The following RBPJ variants were observed in gnomAD, a reference collection of about 807,000 sequenced individuals.
RBPJ encodes recombining binding protein suppressor of hairless.
A neutral mutation model predicts 67.8 loss-of-function variants in RBPJ; 9 were observed. The ratio of observed to expected loss-of-function variants is 0.13; its 90% CI spans 0.08 to 0.23. RBPJ has a LOEUF of 0.23. Ranked by LOEUF, RBPJ falls within the 10% of genes least tolerant of loss-of-function variation. The probability of loss-of-function intolerance (pLI) is 1.00; values close to 1 mark genes in which losing one functional copy is unlikely to be tolerated. For missense variants in RBPJ, 305 were observed against 595.6 expected (o/e 0.51, Z 5.08); for synonymous variants, 198 against 203.3 (o/e 0.97, Z 0.22).
intron 1 of RBPJ, among the ~76,000 whole-genome samples, chr4:26,341,588 T>A (rs1725532243): frequency 6.6e-6 from 1 of 151,284 alleles, no homozygotes; most frequent in African/African-American, 2.4e-5. Context: ...CACTCCACCC[T>A]GGGTGACAGA....
At chr4:26,343,221 C>T (rs1725733202) in intron 1 of RBPJ, 1 of 152,142 alleles carries the variant, frequency 6.6e-6, no homozygotes, top group Non-Finnish European at 1.5e-5. Context: ...AGTTTCTGTT[C>T]TGGTAATCTT....
upstream of RBPJ, chr4:26,320,687 C>T (rs561455099): frequency 8.0e-5 from 121 of 1,505,678 alleles, no homozygotes; most frequent in Non-Finnish European, 9.9e-5. Context: ...TAATCCCCTC[C>T]GGTTTTCCTC....
the RBPJ span, among the ~76,000 whole-genome samples, chr4:26,122,769 G>A: frequency 1.3e-5 from 2 of 152,166 alleles, no homozygotes; most frequent in East Asian, 3.9e-4. Flanking sequence ...TCCAGAGAGG[G>A]AACATTGTAG....
chr4:26,327,824 G>A (rs996178887), intron 1 of RBPJ, among the ~76,000 whole-genome samples: 4 of 151,864 alleles, frequency 2.6e-5, no homozygotes. Context: ...CAGCCTGGGT[G>A]ACAGAGAAAG....
At chr4:26,417,479 A>G (rs1734707624) in intron 4 of RBPJ, among the ~76,000 whole-genome samples, 1 of 152,220 alleles carries the variant, frequency 6.6e-6, no homozygotes, top group East Asian at 1.9e-4. Flanking sequence ...GAGCTTGAGC[A>G]TTTAACTAGT....
At chr4:26,370,423 T>G (rs1375172869) in intron 1 of RBPJ, among the ~76,000 whole-genome samples, 2 of 152,180 alleles carry the variant, frequency 1.3e-5, no homozygotes, top group Non-Finnish European at 2.9e-5. Flanking sequence ...AGTGGTATAT[T>G]ATTGTTACTA....
At chr4:26,244,541 ATGTAAATGGTTTCTTAT>A (rs1301001248) in intron 1 of RBPJ, among the ~76,000 whole-genome samples, 1 of 151,592 alleles carries the variant, frequency 6.6e-6, no homozygotes, top group Non-Finnish European at 1.5e-5. Flanking sequence ...ATACTGCTAA[ATGTAAATGGTTTCTTAT>A]TGTTATTTTA....
chr4:26,201,508 ATCCTCATTT>A (rs1179010466), intron 1 of RBPJ, among the ~76,000 whole-genome samples: 1 of 151,870 alleles, frequency 6.6e-6, no homozygotes, highest in Non-Finnish European at 1.5e-5. Flanking sequence ...GGTGGACTTT[ATCCTCATTT>A]TCCATTTTTC....
chr4:26,287,226 T>C (rs1367518326), intron 1 of RBPJ, among the ~76,000 whole-genome samples: 1 of 151,990 alleles, frequency 6.6e-6, no homozygotes, highest in Admixed American at 6.6e-5. Context: ...AGGAGTATTT[T>C]AGGTCATTGG....
chr4:26,414,193 A>T (rs1734324050), intron 3 of RBPJ, among the ~76,000 whole-genome samples: 1 of 151,548 alleles, frequency 6.6e-6, no homozygotes, highest in Non-Finnish European at 1.5e-5. Flanking sequence ...TTTTTTTAAG[A>T]CAGAGTCTCA....
intron 1 of RBPJ, among the ~76,000 whole-genome samples, chr4:26,235,835 G>A (rs1297153065): frequency 6.6e-6 from 1 of 152,250 alleles, no homozygotes; most frequent in Admixed American, 6.5e-5. Flanking sequence ...TTTAGGGTGA[G>A]AATGACAGAT....
At chr4:26,194,337 T>C (rs1717675746) in intron 1 of RBPJ, among the ~76,000 whole-genome samples, 1 of 152,194 alleles carries the variant, frequency 6.6e-6, no homozygotes, top group African/African-American at 2.4e-5. Flanking sequence ...CAGCCAGATA[T>C]AAACATGCAC....
chr4:26,365,727 A>G lies in RBPJ; in HGVS notation c.21-20626A>G, dbSNP rs539865933. On this transcript the variant is annotated intron_variant, in intron 1 of 10. Coordinates refer to ENST00000355476, the MANE Select transcript of RBPJ (RefSeq NM_015874.6). ...AGAGGAAGTGACCAGCATAAGTTTC[A>G]GTATGCTTTCTAATGGTATGCCATA... Among the ~76,000 whole-genome samples, 5 of 152,346 alleles carry G rather than the reference A, an allele frequency of 3.3e-5. No individual in the cohort carries two copies. The East Asian group carries it at 9.6e-4, about 29-fold the overall frequency.
At chr4:26,210,744 C>CTTCT (rs1388745623) in intron 1 of RBPJ, among the ~76,000 whole-genome samples, 15 of 47,916 alleles carry the variant, frequency 3.1e-4, no homozygotes, top group African/African-American at 8.4e-4. Context: ...TACTTCTTTC[C>CTTCT]TTCTTTCCTT....
intron 1 of RBPJ, among the ~76,000 whole-genome samples, chr4:26,221,666 C>A (rs1718913897): frequency 1.3e-5 from 2 of 152,124 alleles, no homozygotes; most frequent in African/African-American, 4.8e-5. Flanking sequence ...ACAATACTTA[C>A]AAAGAGTAGA....
intron 1 of RBPJ, among the ~76,000 whole-genome samples, chr4:26,244,449 A>ATATGTATGCGTATGTGTG (rs1719850754): frequency 1.3e-5 from 1 of 79,888 alleles, no homozygotes; most frequent in Non-Finnish European, 3.0e-5. Flanking sequence ...ATGTGTGTAT[A>ATATGTATGCGTATGTGTG]CATATATGTG....
upstream of RBPJ, among the ~76,000 whole-genome samples, chr4:26,162,202 G>A (rs75608570): frequency 0.017 from 2,633 of 152,308 alleles, 46 homozygotes; most frequent in South Asian, 0.072. Context: ...CAAGGGGTTG[G>A]GTGTTAGTGT....
chr4:26,130,225 C>T, the RBPJ span, among the ~76,000 whole-genome samples: 1 of 152,154 alleles, frequency 6.6e-6, no homozygotes, highest in African/African-American at 2.4e-5. Flanking sequence ...AATACATACA[C>T]CCGCACCTTC....
intron 1 of RBPJ, among the ~76,000 whole-genome samples, chr4:26,181,180 G>T (rs571666367): frequency 6.6e-6 from 1 of 152,124 alleles, no homozygotes; most frequent in Non-Finnish European, 1.5e-5. Flanking sequence ...GACTAATACC[G>T]TGTGTTTTTA....
Sources: allele counts gnomAD v4.1 joint callset (sites outside exome capture counted in the v4.1 genomes callset), GRCh38; gene constraint gnomAD v4.1.1; transcripts MANE v1.5; gene names NCBI Gene and HGNC (gene_info 2026-07-23, HGNC 2026-07-21).